Variants in SYNGR1 observed in about 807,000 individuals in gnomAD.
SYNGR1 encodes synaptogyrin 1, also known as synaptogyrin-1.
Under a neutral mutation model 26.1 loss-of-function variants are expected in SYNGR1, and 14 were observed. The ratio of observed to expected loss-of-function variants is 0.54; its 90% confidence interval spans 0.35 to 0.84. SYNGR1 has a LOEUF of 0.84. Among genes scored for constraint, SYNGR1 ranks in the 40% least tolerant of loss-of-function variants. SYNGR1 has a pLI of 0.01. For missense variants in SYNGR1, 319 were observed against 332.9 expected, an observed-to-expected ratio of 0.96 and a Z score of 0.33; for synonymous variants, 141 against 150.1, an observed-to-expected ratio of 0.94 and a Z score of 0.44.
At chr22:39,368,995 C>A (rs1924898167) in intron 1 of SYNGR1, among the ~76,000 whole-genome samples, 1 of 152,168 alleles carries the variant, frequency 6.6e-6, no homozygotes, top group South Asian at 2.1e-4. Flanking sequence ...TACAGAGGAC[C>A]AATCTGAGGC....
At chr22:39,372,438 CTTTTTTTTTTTTTTTTTTT>C (rs767314185) in intron 1 of SYNGR1, among the ~76,000 whole-genome samples, 1 of 54,650 alleles carries the variant, frequency 1.8e-5, no homozygotes, top group Non-Finnish European at 3.2e-5. Context: ...ACGCCCAGCT[CTTTTTTTTTTTTTTTTTTT>C]TTTTTTTTTT....
intron 1 of SYNGR1, among the ~76,000 whole-genome samples, chr22:39,370,693 C>T (rs1924978555): frequency 6.6e-6 from 1 of 151,574 alleles, no homozygotes; most frequent in Admixed American, 6.6e-5. Flanking sequence ...TCTCAGCTCA[C>T]GGCAACCTCC....
At chr22:39,360,198 A>T (rs918867210) in intron 1 of SYNGR1, among the ~76,000 whole-genome samples, 2 of 151,448 alleles carry the variant, frequency 1.3e-5, no homozygotes, top group Admixed American at 6.6e-5. Context: ...CCTCTCACCT[A>T]CTCAAGGACA....
rs909786237 is a variant in SYNGR1 at position 39,382,274 on chromosome 22, G to C, written c.*360G>C. The C allele has an allele frequency of 2.3e-5, 9 of 385,956 alleles. No individual in the cohort carries two copies. Among genetic ancestry groups the C allele is most frequent in the Non-Finnish European group, 3.9e-5 (8 of 204,214 alleles). 23.9% of individuals were successfully genotyped at this position (385,956 alleles called of 1,614,324 possible). A position where few individuals can be genotyped will look rare whatever the true frequency, so the allele number is the denominator to read the frequency against. The stretch of plus-strand genomic sequence containing the variant: ...ACTGGAAAGGGGAGCGATGAGCTGT[G>C]GAGGAAGCCCTGGTGGTACCAGAGG... On this transcript the variant is annotated 3_prime_UTR_variant, in exon 4 of 4. Transcript: ENST00000328933.
Position 39,384,490 on chromosome 22 carries a change from G to A in SYNGR1, c.*2576G>A. ...TCAGGCTGGGCTCTGGCAGGGACCT[G>A]CCCAGGATGGAGATGAGAGAGGGTG... On this transcript the variant is annotated 3_prime_UTR_variant, in exon 4 of 4. Transcript: ENST00000328933. 1 of 398,872 alleles carries A rather than the reference G, an allele frequency of 2.5e-6. No homozygotes were observed. Among genetic ancestry groups the A allele is most frequent in the Non-Finnish European group, 4.4e-6 (1 of 226,178 alleles). The allele number at this position is 398,872 out of a possible 1,614,324, so 24.7% of individuals were successfully genotyped here.
In SYNGR1 at chr22:39,381,844, G is replaced by C. The variant is rs150311775; in HGVS notation, c.632G>C (p.Gly211Ala). ...EPTGPDPAGM[G>A]GTYQQPANTF... ...ACTGGGCCGGATCCCGCCGGTATGGGCGGCACCTACCAGCAGCCGGCCAAC... is the reference window on the plus strand; with the variant it reads ...ACTGGGCCGGATCCCGCCGGTATGGCCGGCACCTACCAGCAGCCGGCCAAC... Residue 211 changes from glycine to alanine, a missense_variant, in exon 4 of 4, where the codon GGC (glycine) becomes GCC (alanine). Physicochemically the swap from Gly to Ala is moderately conservative, Grantham distance 60. Transcript: ENST00000328933. The C allele has an allele frequency of 3.6e-5, 58 of 1,612,802 alleles. No homozygotes were observed. Among genetic ancestry groups the C allele is most frequent in the Non-Finnish European group, 7.6e-6 (9 of 1,179,904 alleles).
Position 39,381,931 on chromosome 22 carries a change from G to A in SYNGR1, c.*17G>A, listed in dbSNP as rs964447730. ...GGCTACTGAGCCACAGTGACCGCCTGCCCCCGCCCCTCCCCATCTGTCCCC... is the reference window on the plus strand; with the variant it reads ...GGCTACTGAGCCACAGTGACCGCCTACCCCCGCCCCTCCCCATCTGTCCCC... On this transcript the variant is annotated 3_prime_UTR_variant, in exon 4 of 4. Coordinates refer to ENST00000328933, the MANE Select transcript of SYNGR1 (RefSeq NM_004711.5). The A allele has an allele frequency of 6.3e-7, 1 of 1,582,810 alleles. No individual in the cohort carries two copies. Among genetic ancestry groups the A allele is most frequent in the Admixed American group, 1.8e-5 (1 of 55,776 alleles).
At chr22:39,374,262 G>T (rs972347349) in intron 1 of SYNGR1, 54 bp from the exon 2 acceptor site, 1 of 1,562,000 alleles carries the variant, frequency 6.4e-7, no homozygotes, top group African/African-American at 1.4e-5. Flanking sequence ...CGTCCCCTGG[G>T]TGGTGTGAGG....
chr22:39,370,658 T>C (rs1441804205), intron 1 of SYNGR1, among the ~76,000 whole-genome samples: 10 of 150,770 alleles, frequency 6.6e-5, no homozygotes, highest in Non-Finnish European at 1.0e-4. Context: ...TGTCCCGCTC[T>C]GTCGGCTGGA....
At chr22:39,359,653 A>C (rs1924372922) in intron 1 of SYNGR1, among the ~76,000 whole-genome samples, 1 of 109,952 alleles carries the variant, frequency 9.1e-6, no homozygotes, top group South Asian at 3.6e-4. Flanking sequence ...AAAAAAAAAA[A>C]AAAAAGATGC....
Position 39,382,420 on chromosome 22 carries a change from T to G in SYNGR1, c.*506T>G. On this transcript the variant is annotated 3_prime_UTR_variant, in exon 4 of 4. Coordinates refer to ENST00000328933, the MANE Select transcript of SYNGR1 (RefSeq NM_004711.5). ...GGGGGCTGTCACCCTGCTCTGGCAG[T>G]CCTGCTAAGAGTGTCAGGGCCGTCT... 1 of 190,328 alleles carries G rather than the reference T, an allele frequency of 5.3e-6. No homozygotes were observed. Among genetic ancestry groups the G allele is most frequent in the Non-Finnish European group, 1.1e-5 (1 of 89,986 alleles). The allele number at this position is 190,328 out of a possible 1,614,324, so 11.8% of individuals were successfully genotyped here.
intron 1 of SYNGR1, among the ~76,000 whole-genome samples, chr22:39,363,984 C>T (rs1388334652): frequency 6.6e-6 from 1 of 152,186 alleles, no homozygotes; most frequent in Non-Finnish European, 1.5e-5. Flanking sequence ...AGGTTCCTGG[C>T]AGCGTTACAG....
At chr22:39,359,690 C>G (rs926912773) in intron 1 of SYNGR1, among the ~76,000 whole-genome samples, 3 of 151,528 alleles carry the variant, frequency 2.0e-5, no homozygotes, top group Non-Finnish European at 4.4e-5. Context: ...TCAGTCCTCT[C>G]CAGCACTGCT....
chr22:39,367,227 A>G (rs1402555272), intron 1 of SYNGR1, among the ~76,000 whole-genome samples: 1 of 152,206 alleles, frequency 6.6e-6, no homozygotes, highest in East Asian at 1.9e-4. Context: ...GGTACATACT[A>G]GGTGCTCAGG....
rs753637119 is a variant in SYNGR1 at position 39,374,425 on chromosome 22, A to T, written c.209A>T (p.Tyr70Phe). The change falls in exon 2 of 4, where the codon TAT (tyrosine) becomes TTT (phenylalanine). Residue 70 changes from tyrosine (Y) to phenylalanine (F), a missense_variant. By Grantham distance (22) the Tyr-to-Phe change is conservative. Coordinates refer to ENST00000328933, the MANE Select transcript of SYNGR1 (RefSeq NM_004711.5). ...IYNRNPNACS[Y>F]GVAVGVLAFL... ...AACCGCAACCCCAACGCCTGCAGCT[A>T]TGGCGTGGCCGTGGGCGTGCTCGCC... 6.2e-7 allele frequency: 1 copy of T among 1,613,894 alleles called. No individual in the cohort carries two copies. The highest frequency in any genetic ancestry group is 1.7e-5 in the Admixed American group (1 of 59,998).
At position 39,375,956 on chromosome 22, in the gene SYNGR1, A is replaced by C. The variant is rs750707821; in HGVS notation, c.338-96A>C. 8.5e-6 allele frequency: 13 copies of C among 1,530,218 alleles called. No homozygotes were observed. The Middle Eastern group carries it at 8.5e-4, about 99-fold the overall frequency. The allele number at this position is 1,530,218 out of a possible 1,614,324, so 94.8% of individuals were successfully genotyped here. On this transcript the variant is annotated intron_variant, in intron 2 of 3. Transcript: ENST00000328933. Reference sequence around the variant, plus strand: ...GGGAGCATGGGAGATGCACTCTTGAATGTCCCTCTGTTCCTCGGCTTCCCC... The same window carrying C: ...GGGAGCATGGGAGATGCACTCTTGACTGTCCCTCTGTTCCTCGGCTTCCCC...
chr22:39,367,527 A>C (rs1924818497), intron 1 of SYNGR1, among the ~76,000 whole-genome samples: 1 of 152,158 alleles, frequency 6.6e-6, no homozygotes, highest in Non-Finnish European at 1.5e-5. Context: ...CCAGCCTTAG[A>C]AGCTTGGGTT....
In SYNGR1 at chr22:39,366,578, G is replaced by A. The variant is rs144544755; in HGVS notation, c.100-7738G>A. Among the ~76,000 whole-genome samples the A allele has an allele frequency of 8.1e-3, 1,235 of 152,046 alleles. 25 individuals are homozygous for A. The highest frequency in any genetic ancestry group is 0.028 in the African/African-American group (1,177 of 41,480). On this transcript the variant is annotated intron_variant, in intron 1 of 3. Transcript: ENST00000328933. ...GGAGAATCACTTGAACCCGGGAGGCGGAAGTTGCAGTGAGCTGAGATTGCG... is the reference window on the plus strand; with the variant it reads ...GGAGAATCACTTGAACCCGGGAGGCAGAAGTTGCAGTGAGCTGAGATTGCG...
chr22:39,374,296 T>C lies in SYNGR1; in HGVS notation c.100-20T>C, dbSNP rs767173332. On this transcript the variant is annotated intron_variant, in intron 1 of 3. Transcript: ENST00000328933. ...GGCAGGGGTCTGCCCAGGTCTAAGGTGTGGCCCCACCCCCGACAGCTGTTC... is the reference window on the plus strand; with the variant it reads ...GGCAGGGGTCTGCCCAGGTCTAAGGCGTGGCCCCACCCCCGACAGCTGTTC... 6.2e-7 allele frequency: 1 copy of C among 1,611,782 alleles called. No individual in the cohort carries two copies. The highest frequency in any genetic ancestry group is 1.7e-5 in the Admixed American group (1 of 60,000).
Sources: gnomAD v4.1 joint callset for allele counts (sites outside exome capture counted in the v4.1 genomes callset) on GRCh38, gnomAD v4.1.1 for gene constraint, MANE v1.5 for transcripts, NCBI Gene and HGNC (gene_info 2026-07-23, HGNC 2026-07-21) for gene names.